The following SNTG2 variants were observed in gnomAD, a reference collection of about 807,000 sequenced individuals.
SNTG2 encodes the protein gamma-2-syntrophin.
Under a neutral mutation model 70.9 loss-of-function variants are expected in SNTG2, and 74 were observed. That is an observed-to-expected ratio of 1.04 (90% CI 0.86 to 1.27). SNTG2 has a LOEUF of 1.27. Among genes scored for constraint, SNTG2 ranks in the 50% most tolerant of loss-of-function variants. The pLI is 0.00. For synonymous variants in SNTG2, 278 were observed against 273.8 expected, an observed-to-expected ratio of 1.02 and a Z score of -0.15; for missense variants, 717 against 690.7, an observed-to-expected ratio of 1.04 and a Z score of -0.43.
chr2:1,361,794 T>A (rs1488864259), intron 16 of SNTG2, among the ~76,000 whole-genome samples: 1 of 151,744 alleles, frequency 6.6e-6, no homozygotes, highest in Non-Finnish European at 1.5e-5. Context: ...TCCATGAAGG[T>A]CACCGATGCT....
chr2:1,272,836 A>G (rs978061346), intron 14 of SNTG2, among the ~76,000 whole-genome samples: 2 of 151,924 alleles, frequency 1.3e-5, no homozygotes, highest in African/African-American at 4.8e-5. Context: ...CCCAGGGAAG[A>G]GGTGTAGAAA....
chr2:1,288,746 C>T lies in SNTG2; in HGVS notation c.1285-19748C>T, dbSNP rs1679871189. Among the ~76,000 whole-genome samples the T allele has an allele frequency of 2.6e-5, 4 of 152,316 alleles. No individual in the cohort carries two copies. In the South Asian group the frequency reaches 6.2e-4, roughly 24 times the overall value. ...AAGGAAAATGTGTGTAAACATGACACACCTCACACACATGTACACATGCAC... is the reference window on the plus strand; with the variant it reads ...AAGGAAAATGTGTGTAAACATGACATACCTCACACACATGTACACATGCAC... On this transcript the variant is annotated intron_variant, in intron 14 of 16. Coordinates refer to ENST00000308624, the MANE Select transcript of SNTG2 (RefSeq NM_018968.4).
intron 1 of SNTG2, among the ~76,000 whole-genome samples, chr2:978,422 CCAAAACTT>C (rs1660984893): frequency 6.6e-6 from 1 of 152,068 alleles, no homozygotes; most frequent in Non-Finnish European, 1.5e-5. Flanking sequence ...GAGACCAGAT[CCAAAACTT>C]TAATTATTAT....
At chr2:1,365,003 G>A (rs1054816218) in intron 16 of SNTG2, among the ~76,000 whole-genome samples, 10 of 152,002 alleles carry the variant, frequency 6.6e-5, no homozygotes, top group African/African-American at 1.7e-4. Flanking sequence ...CTCAGTAATT[G>A]CTATTTGGAA....
At chr2:1,326,578 A>G (rs1442858052) in intron 16 of SNTG2, among the ~76,000 whole-genome samples, 3 of 152,064 alleles carry the variant, frequency 2.0e-5, no homozygotes, top group Non-Finnish European at 2.9e-5. Context: ...AGGAAGCATG[A>G]GGCCAACAGA....
At chr2:1,172,914 A>G (rs1446370275) in intron 7 of SNTG2, among the ~76,000 whole-genome samples, 178 bp from the exon 8 acceptor site, 1 of 152,162 alleles carries the variant, frequency 6.6e-6, no homozygotes, top group Non-Finnish European at 1.5e-5. Context: ...CTTGGTGAGG[A>G]GACCATATCA....
At chr2:1,121,911 A>T in intron 4 of SNTG2, among the ~76,000 whole-genome samples, 1 of 151,120 alleles carries the variant, frequency 6.6e-6, no homozygotes, top group African/African-American at 2.4e-5. Flanking sequence ...TCAAATAAAT[A>T]AAAAAAGTGA....
chr2:1,135,652 G>A (rs1023040476), intron 4 of SNTG2, among the ~76,000 whole-genome samples: 1 of 152,204 alleles, frequency 6.6e-6, no homozygotes, highest in African/African-American at 2.4e-5. Flanking sequence ...AACCCAGGAG[G>A]CAGAGGTTGC....
At chr2:1,228,389 C>T (rs1675944988) in intron 9 of SNTG2, among the ~76,000 whole-genome samples, 1 of 152,234 alleles carries the variant, frequency 6.6e-6, no homozygotes, top group Non-Finnish European at 1.5e-5. Context: ...CTCTCTCACC[C>T]AGGCCCCGTT....
chr2:1,204,079 G>A (rs1204149757), intron 8 of SNTG2, among the ~76,000 whole-genome samples: 3 of 152,168 alleles, frequency 2.0e-5, no homozygotes, highest in South Asian at 2.1e-4. Context: ...TTATAAAGCA[G>A]CAAAACTAGT....
chr2:1,250,123 A>T (rs1023797151), intron 12 of SNTG2, among the ~76,000 whole-genome samples: 10 of 152,190 alleles, frequency 6.6e-5, no homozygotes, highest in Non-Finnish European at 1.0e-4. Flanking sequence ...GGAAGTGCCC[A>T]CACCTTAGCC....
At chr2:1,170,758 G>A (rs1357554499) in intron 7 of SNTG2, among the ~76,000 whole-genome samples, 1 of 152,050 alleles carries the variant, frequency 6.6e-6, no homozygotes, top group Non-Finnish European at 1.5e-5. Context: ...ATCAGCTGAT[G>A]GGCATTTGTC....
intron 9 of SNTG2, among the ~76,000 whole-genome samples, chr2:1,209,684 T>A (rs993419708): frequency 1.3e-5 from 2 of 152,110 alleles, no homozygotes; most frequent in African/African-American, 2.4e-5. Context: ...AGCTTGTGAG[T>A]TTGGTTAATT....
chr2:1,271,625 G>C (rs994822404), intron 14 of SNTG2, among the ~76,000 whole-genome samples: 3 of 152,092 alleles, frequency 2.0e-5, no homozygotes, highest in Non-Finnish European at 2.9e-5. Flanking sequence ...ACCTTGCTGA[G>C]TTTTGAGGTC....
In SNTG2 at chr2:1,097,487, G is replaced by A. The variant is rs750218659; in HGVS notation, c.211-709G>A. Among the ~76,000 whole-genome samples the A allele has an allele frequency of 1.8e-4, 27 of 152,064 alleles. No homozygotes were observed. The highest frequency in any genetic ancestry group is 2.2e-4 in the Non-Finnish European group (15 of 68,026). ...CGTCTACCCCAGGCTGCCTCTGTGCGCCCCCTCAGAGCAGCACCAGTCACT... is the reference window on the plus strand; with the variant it reads ...CGTCTACCCCAGGCTGCCTCTGTGCACCCCCTCAGAGCAGCACCAGTCACT... On this transcript the variant is annotated intron_variant, in intron 2 of 16. Transcript: ENST00000308624. The surrounding 1 kb of genome is among the most constrained non-coding windows in gnomAD (Gnocchi z 4.1).
chr2:1,229,927 A>G (rs1676088124), intron 9 of SNTG2, among the ~76,000 whole-genome samples: 1 of 152,138 alleles, frequency 6.6e-6, no homozygotes, highest in African/African-American at 2.4e-5. Context: ...CCGGAACTCC[A>G]GCTGGCCCGC....
intron 10 of SNTG2, among the ~76,000 whole-genome samples, 169 bp from the exon 11 acceptor site, chr2:1,239,569 C>T (rs528214574): frequency 6.6e-6 from 1 of 152,208 alleles, no homozygotes; most frequent in Non-Finnish European, 1.5e-5. Context: ...TTGTTTTCTA[C>T]TGCTGCCATG....
Position 1,172,956 on chromosome 2 carries a change from C to G in SNTG2, c.500-136C>G, listed in dbSNP as rs1382040559. 8.2e-6 allele frequency: 6 copies of G among 733,310 alleles called. No individual in the cohort carries two copies. The Admixed American group carries it at 1.4e-4, about 17-fold the overall frequency. The allele number at this position is 733,310 out of a possible 1,614,324, so 45.4% of individuals were successfully genotyped here. A position where few individuals can be genotyped will look rare whatever the true frequency, so the allele number is the denominator to read the frequency against. On this transcript the variant is annotated intron_variant, in intron 7 of 16. Transcript: ENST00000308624. ...GAAAGTGAGAGGCCATTGGGGATGA[C>G]CCAGCCCATAACTGGACACCAGGCA...
chr2:1,100,072 T>TA (rs1473102295), intron 4 of SNTG2, among the ~76,000 whole-genome samples: 1 of 152,010 alleles, frequency 6.6e-6, no homozygotes, highest in Non-Finnish European at 1.5e-5. Flanking sequence ...TGATAAGAAA[T>TA]ACAGGTTAGT....
Sources: gnomAD v4.1 joint callset for allele counts (sites outside exome capture counted in the v4.1 genomes callset) on GRCh38, gnomAD v4.1.1 for gene constraint, Gnocchi (gnomAD v3.1) non-coding constraint, MANE v1.5 for transcripts, NCBI Gene and HGNC (gene_info 2026-07-23, HGNC 2026-07-21) for gene names.